Variants in RGL1 observed in about 807,000 individuals in gnomAD.
The protein encoded by RGL1 is ral guanine nucleotide dissociation stimulator like 1.
A neutral mutation model predicts 95.2 loss-of-function variants in RGL1; 24 were observed. The observed-to-expected ratio is 0.25, with a 90% confidence interval of 0.18 to 0.35. The LOEUF (loss-of-function observed/expected upper bound fraction) is 0.35, where lower values mean the gene tolerates loss of function less well. Among genes scored for constraint, RGL1 ranks in the 10% least tolerant of loss-of-function variants. The pLI, the probability that RGL1 is intolerant of heterozygous loss-of-function variation, is 1.00. For synonymous variants in RGL1, 329 were observed against 344.9 expected, an observed-to-expected ratio of 0.95 and a Z score of 0.51; for missense variants, 715 against 936.3, an observed-to-expected ratio of 0.76 and a Z score of 3.08.
At chr1:183,863,537 A>C (rs1043892102) in intron 3 of RGL1, among the ~76,000 whole-genome samples, 4 of 152,088 alleles carry the variant, frequency 2.6e-5, no homozygotes, top group African/African-American at 9.7e-5. Flanking sequence ...TGCTCTGGCT[A>C]CTGGGCAGAA....
upstream of RGL1, among the ~76,000 whole-genome samples, chr1:183,803,985 T>G (rs190507326): frequency 6.6e-6 from 1 of 152,352 alleles, no homozygotes; most frequent in East Asian, 1.9e-4. Context: ...CCTTAGGTTC[T>G]GGTTGTATGG....
In RGL1 at chr1:183,904,825, AT is replaced by A. The variant is rs753053780; in HGVS notation, c.1351-20del. 1.4e-5 allele frequency: 22 copies of A among 1,569,474 alleles called. No individual in the cohort carries two copies. In the East Asian group the frequency reaches 4.3e-4, roughly 31 times the overall value. On this transcript the variant is annotated intron_variant, in intron 12 of 17. Transcript: ENST00000360851. Reference sequence around the variant, plus strand: ...CTTATTATTCAGTCTTTTTTTTTTAATTTTTGGTATTCTGTCTGCTTTAGGA... The same window carrying A: ...CTTATTATTCAGTCTTTTTTTTTTAATTTTGGTATTCTGTCTGCTTTAGGA...
At chr1:183,854,813 C>T (rs1250929295) in intron 3 of RGL1, among the ~76,000 whole-genome samples, 1 of 152,058 alleles carries the variant, frequency 6.6e-6, no homozygotes, top group Non-Finnish European at 1.5e-5. Context: ...CTTCAGTTTT[C>T]CTCATCTATA....
At chr1:183,828,090 CTTTTT>C (rs200981055) in intron 2 of RGL1, among the ~76,000 whole-genome samples, 1 of 152,006 alleles carries the variant, frequency 6.6e-6, no homozygotes, top group Non-Finnish European at 1.5e-5. Context: ...AATGTTGCAA[CTTTTT>C]TTTAATAGGA....
At chr1:183,754,675 G>A (rs1237234363) in intron 2 of RGL1, 2 of 152,214 alleles carry the variant, frequency 1.3e-5, no homozygotes, top group African/African-American at 2.4e-5. Context: ...TTCTATGACT[G>A]AGAATTAGTC....
chr1:183,685,739 C>T (rs907740757), intron 1 of RGL1, among the ~76,000 whole-genome samples: 8 of 152,122 alleles, frequency 5.3e-5, no homozygotes, highest in African/African-American at 1.9e-4. Context: ...AATCCTGTTT[C>T]CTTCAGACCT....
intron 2 of RGL1, among the ~76,000 whole-genome samples, chr1:183,745,524 A>C (rs1056361651): frequency 6.6e-6 from 1 of 151,984 alleles, no homozygotes; most frequent in African/African-American, 2.4e-5. Context: ...TGTTTTTTCC[A>C]TATGGATAAT....
In RGL1 at chr1:183,679,737, G is replaced by A. The variant is rs552110637; in HGVS notation, c.-33+43236G>A. On this transcript the variant is annotated intron_variant, in intron 1 of 18. Transcript: ENST00000304685. ...ATCCTTTGAGTGTATATCCAGTAATGGGATTTCTGGGTCAAATGGTATTTC... is the reference window on the plus strand; with the variant it reads ...ATCCTTTGAGTGTATATCCAGTAATAGGATTTCTGGGTCAAATGGTATTTC... Among the ~76,000 whole-genome samples, 12 of 152,256 alleles carry A rather than the reference G, an allele frequency of 7.9e-5. No individual in the cohort carries two copies. The East Asian group carries it at 2.1e-3, about 27-fold the overall frequency.
intron 2 of RGL1, among the ~76,000 whole-genome samples, chr1:183,789,198 C>T (rs1391546115): frequency 1.3e-5 from 2 of 151,994 alleles, no homozygotes; most frequent in African/African-American, 4.8e-5. Context: ...AATCCCAGCA[C>T]TTTGGGAGGC....
chr1:183,891,985 C>T, intron 8 of RGL1, 92 bp from the exon 9 acceptor site: 1 of 900,206 alleles, frequency 1.1e-6, no homozygotes, highest in Non-Finnish European at 1.8e-6. Flanking sequence ...CACAGTCCCT[C>T]CTTAGACATG....
chr1:183,813,021 C>A (rs553420579), intron 2 of RGL1, among the ~76,000 whole-genome samples: 1 of 152,236 alleles, frequency 6.6e-6, no homozygotes, highest in East Asian at 1.9e-4. Context: ...GTCAGATTTG[C>A]ATTTTAGAAC....
intron 3 of RGL1, among the ~76,000 whole-genome samples, chr1:183,849,618 G>A (rs192807458): frequency 1.3e-3 from 195 of 151,280 alleles, no homozygotes; most frequent in African/African-American, 4.5e-3. Flanking sequence ...AGCCTCCTGG[G>A]TAGCTGGGAT....
chr1:183,776,373 C>T (rs1380871557), intron 2 of RGL1, among the ~76,000 whole-genome samples: 1 of 151,808 alleles, frequency 6.6e-6, no homozygotes. Flanking sequence ...TGGTCTCGAT[C>T]TCCTGACCTC....
rs150367802 is a variant in RGL1 at position 183,849,482 on chromosome 1, A to AATTTTTTTTTTTTTTTTTTTTTTTT, written c.347+1708_347+1709insATTTTTTTTTTTTTTTTTTTTTTTT. Among the ~76,000 whole-genome samples the AATTTTTTTTTTTTTTTTTTTTTTTT allele has an allele frequency of 2.1e-4, 21 of 99,360 alleles. 4 individuals carry two copies. The highest frequency in any genetic ancestry group is 3.1e-4 in the East Asian group (1 of 3,228). 65.2% of individuals were successfully genotyped at this position (99,360 alleles called of 152,430 possible). ...GACATTTAAGTTTTCTCCAGTTTTT[A>AATTTTTTTTTTTTTTTTTTTTTTTT]GTTTTTTTTTTTTTTTTTTTTTTTG... On this transcript the variant is annotated intron_variant, in intron 3 of 17. Coordinates refer to ENST00000360851, the MANE Select transcript of RGL1 (RefSeq NM_001297671.3).
chr1:183,812,418 A>G (rs1365802043), intron 2 of RGL1, among the ~76,000 whole-genome samples: 2 of 152,218 alleles, frequency 1.3e-5, no homozygotes, highest in East Asian at 3.8e-4. Context: ...CTGCTGTTGC[A>G]TATTTCTATA....
chr1:183,816,770 A>G (rs1433013466), intron 2 of RGL1, among the ~76,000 whole-genome samples: 2 of 151,976 alleles, frequency 1.3e-5, no homozygotes, highest in Non-Finnish European at 2.9e-5. Context: ...CCTTCATTCC[A>G]GAGGCAATCT....
chr1:183,829,652 T>C (rs904877966), intron 2 of RGL1, among the ~76,000 whole-genome samples: 1 of 152,140 alleles, frequency 6.6e-6, no homozygotes, highest in Non-Finnish European at 1.5e-5. Context: ...AAGCTTCACA[T>C]TGATACTAAG....
intron 2 of RGL1, among the ~76,000 whole-genome samples, chr1:183,836,810 T>C (rs1389134782): frequency 1.3e-5 from 2 of 152,184 alleles, no homozygotes; most frequent in Admixed American, 1.3e-4. Context: ...ACATCTTACA[T>C]CTGAATTTAT....
At chr1:183,669,330 T>G (rs1036883161) in intron 1 of RGL1, among the ~76,000 whole-genome samples, 2 of 152,244 alleles carry the variant, frequency 1.3e-5, no homozygotes. Flanking sequence ...TATATTTTTT[T>G]GTAATCTCTG....
Sources: gnomAD v4.1 joint callset for allele counts (sites outside exome capture counted in the v4.1 genomes callset) on GRCh38, gnomAD v4.1.1 for gene constraint, MANE v1.5 for transcripts, NCBI Gene and HGNC (gene_info 2026-07-23, HGNC 2026-07-21) for gene names.